The following KCNC3 variants were observed in gnomAD, a reference collection of about 807,000 sequenced individuals.
The protein encoded by KCNC3 is voltage-gated potassium channel KCNC3.
A neutral mutation model predicts 43.9 loss-of-function variants in KCNC3; 22 were observed. That is an observed-to-expected ratio of 0.50 (90% CI 0.36 to 0.72). The LOEUF is 0.72. Among genes scored for constraint, KCNC3 ranks in the 30% least tolerant of loss-of-function variants. The pLI is 0.00. For synonymous variants in KCNC3, 492 were observed against 488.0 expected, an observed-to-expected ratio of 1.01 and a Z score of -0.11; for missense variants, 829 against 1,073.8, an observed-to-expected ratio of 0.77 and a Z score of 3.19.
Position 50,328,681 on chromosome 19 carries a change from C to T in KCNC3, c.402G>A (p.Glu134=), listed in dbSNP as rs774350798. The T allele has an allele frequency of 1.2e-6, 2 of 1,608,200 alleles. No homozygotes were observed. Among genetic ancestry groups the T allele is most frequent in the Admixed American group, 3.4e-5 (2 of 59,480 alleles). ...CTCCCGGGTGCCGGTCAAAGAAGAA[C>T]TCGTCGGCGCCCGGGTCGTAGTCGA... ...ARFDYDPGAD[E]FFFDRHPGVF... is the part of the protein sequence containing the mutation. The change falls in exon 1 of 5, where the codon GAG becomes GAA. Residue 134 remains glutamate, a synonymous_variant. Coordinates refer to ENST00000477616, the MANE Select transcript of KCNC3 (RefSeq NM_004977.3).
At position 50,322,912 on chromosome 19, in the gene KCNC3, G is replaced by A. The variant is rs2037051135; in HGVS notation, c.1978+63C>T. On this transcript the variant is annotated intron_variant, in intron 2 of 4. Transcript: ENST00000477616. ...ACCCCAGGTTCTCTGAACCCCGGCAGCTACCTCCCCAGTCCTCCCCGGGTC... is the reference window on the plus strand; with the variant it reads ...ACCCCAGGTTCTCTGAACCCCGGCAACTACCTCCCCAGTCCTCCCCGGGTC... 35 of 1,499,484 alleles carry A rather than the reference G, an allele frequency of 2.3e-5. No homozygotes were observed. In the South Asian group the frequency reaches 4.4e-4, roughly 19 times the overall value. The allele number at this position is 1,499,484 out of a possible 1,614,324, so 92.9% of individuals were successfully genotyped here.
In KCNC3 at chr19:50,312,217, C is replaced by G. The variant is rs2036886109; in HGVS notation, c.*3898G>C. On this transcript the variant is annotated 3_prime_UTR_variant, in exon 5 of 5. Coordinates refer to ENST00000477616, the MANE Select transcript of KCNC3 (RefSeq NM_004977.3). ...ACTGTCTCCGAACCCCGCCCCCATCCCTGAGAGCGCCCCCTCACCACTCCC... is the reference window on the plus strand; with the variant it reads ...ACTGTCTCCGAACCCCGCCCCCATCGCTGAGAGCGCCCCCTCACCACTCCC... 6.6e-6 allele frequency: 1 copy of G among 151,946 alleles called. No individual in the cohort carries two copies. The highest frequency in any genetic ancestry group is 1.5e-5 in the Non-Finnish European group (1 of 67,978). The allele number at this position is 151,946 out of a possible 1,614,324, so 9.4% of individuals were successfully genotyped here. A position where few individuals can be genotyped will look rare whatever the true frequency, so the allele number is the denominator to read the frequency against.
Position 50,320,587 on chromosome 19 carries a change from C to T in KCNC3, c.2170+6G>A, listed in dbSNP as rs1197819320. 1 of 1,610,224 alleles carries T rather than the reference C, an allele frequency of 6.2e-7. No individual in the cohort carries two copies. Among genetic ancestry groups the T allele is most frequent in the Admixed American group, 1.7e-5 (1 of 59,678 alleles). Reference sequence around the variant, plus strand: ...TCCCAGGGGATCAGTAGGGGGGGCACCTCACCTTTTCGGATGGAGCCATCA... The same window carrying T: ...TCCCAGGGGATCAGTAGGGGGGGCATCTCACCTTTTCGGATGGAGCCATCA... On this transcript the variant is annotated splice_donor_region_variant and intron_variant, in intron 3 of 4. Coordinates refer to ENST00000477616, the MANE Select transcript of KCNC3 (RefSeq NM_004977.3).
In KCNC3 at chr19:50,313,095, G is replaced by C. The variant is rs1004574509; in HGVS notation, c.*3020C>G. 1 of 152,174 alleles carries C rather than the reference G, an allele frequency of 6.6e-6. No homozygotes were observed. Among genetic ancestry groups the C allele is most frequent in the Non-Finnish European group, 1.5e-5 (1 of 68,036 alleles). 9.4% of individuals were successfully genotyped at this position (152,174 alleles called of 1,614,324 possible). On this transcript the variant is annotated 3_prime_UTR_variant, in exon 5 of 5. Coordinates refer to ENST00000477616, the MANE Select transcript of KCNC3 (RefSeq NM_004977.3). ...GTGGGACCCCGGCTCCAAAAGGGGG[G>C]TCCGCTAAAGAGTCTGGGACCGGTG...
chr19:50,328,418 C>T lies in KCNC3; in HGVS notation c.665G>A (p.Gly222Glu). Reference sequence around the variant, plus strand: ...CGCGCCCGCCTCGTCGTCCAGGCCTCCGTCGTGGGCGCCTGCGGCGTTGGC... The same window carrying T: ...CGCGCCCGCCTCGTCGTCCAGGCCTTCGTCGTGGGCGCCTGCGGCGTTGGC... ...NAANAAGAHD[G>E]GLDDEAGAGG... is the part of the protein sequence containing the mutation. Residue 222 changes from glycine (G) to glutamate (E), a missense_variant, in exon 1 of 5, where the codon GGA (glycine) becomes GAA (glutamate). Gly to Glu is a moderately conservative substitution (Grantham distance 98). This residue lies in a region of KCNC3 where 121 missense variants were observed against 247.4 expected (regional missense o/e 0.49). Coordinates refer to ENST00000477616, the MANE Select transcript of KCNC3 (RefSeq NM_004977.3). 1 of 1,502,300 alleles carries T rather than the reference C, an allele frequency of 6.7e-7. No homozygotes were observed. The highest frequency in any genetic ancestry group is 8.9e-7 in the Non-Finnish European group (1 of 1,129,066). The allele number at this position is 1,502,300 out of a possible 1,614,324, so 93.1% of individuals were successfully genotyped here.
Position 50,316,008 on chromosome 19 carries a change from CT to C in KCNC3, c.*106del, listed in dbSNP as rs1271612844. Reference sequence around the variant, plus strand: ...AAGCCCAGTGTCTTGGGGACACCCCCTCCCAGCCATTCCCAATTGCTAACCT... The same window carrying C: ...AAGCCCAGTGTCTTGGGGACACCCCCCCCAGCCATTCCCAATTGCTAACCT... On this transcript the variant is annotated 3_prime_UTR_variant, in exon 5 of 5. Transcript: ENST00000477616. The C allele has an allele frequency of 7.7e-6, 3 of 389,744 alleles. No homozygotes were observed. The highest frequency in any genetic ancestry group is 1.4e-5 in the Non-Finnish European group (3 of 210,164). 24.1% of individuals were successfully genotyped at this position (389,744 alleles called of 1,614,324 possible).
intron 1 of KCNC3, among the ~76,000 whole-genome samples, chr19:50,327,635 G>A (rs965328299): frequency 6.6e-6 from 1 of 152,100 alleles, no homozygotes; most frequent in Non-Finnish European, 1.5e-5. Context: ...GGGTGAATCG[G>A]GGAGGTGCTG....
Position 50,314,858 on chromosome 19 carries a change from A to G in KCNC3, c.*1257T>C. ...CCCACAGGGGGGAGGGGAGCGCTAA[A>G]GGATGGAGGGCAGGGTCGGGGGAGC... On this transcript the variant is annotated 3_prime_UTR_variant, in exon 5 of 5. Transcript: ENST00000477616. 1 of 298,856 alleles carries G rather than the reference A, an allele frequency of 3.3e-6. No individual in the cohort carries two copies. The highest frequency in any genetic ancestry group is 2.5e-5 in the South Asian group (1 of 40,600). 18.5% of individuals were successfully genotyped at this position (298,856 alleles called of 1,614,324 possible).
chr19:50,316,147 C>G (rs1402270508), intron 4 of KCNC3, 56 bp from the exon 5 acceptor site: 3 of 401,032 alleles, frequency 7.5e-6, no homozygotes. Context: ...TCAGGGGAAA[C>G]CCCCCAACAC....
upstream of KCNC3, among the ~76,000 whole-genome samples, chr19:50,331,268 C>G (rs992048495): frequency 4.3e-5 from 5 of 117,228 alleles, no homozygotes; most frequent in Admixed American, 1.6e-4. Context: ...TCAGTCCCCG[C>G]CCCCCCACCC....
intron 2 of KCNC3, among the ~76,000 whole-genome samples, chr19:50,322,148 G>C (rs1224543170): frequency 6.6e-6 from 1 of 151,920 alleles, no homozygotes; most frequent in African/African-American, 2.4e-5. Flanking sequence ...AGGCGGGGCA[G>C]TGCAGGGGGG....
At chr19:50,331,928 T>A (rs564029382), upstream of KCNC3, among the ~76,000 whole-genome samples, 76 of 152,194 alleles carry the variant, frequency 5.0e-4, no homozygotes, top group African/African-American at 1.8e-3. Flanking sequence ...ACTGCGTCAC[T>A]GCAGAGAGAG....
rs1008964846 is a variant in KCNC3 at position 50,314,520 on chromosome 19, G to A, written c.*1595C>T. 88 of 251,718 alleles carry A rather than the reference G, an allele frequency of 3.5e-4. No homozygotes were observed. Among genetic ancestry groups the A allele is most frequent in the African/African-American group, 1.6e-3 (66 of 42,162 alleles). The allele number at this position is 251,718 out of a possible 1,614,324, so 15.6% of individuals were successfully genotyped here. Reference sequence around the variant, plus strand: ...AGGTTAGGGAAGGCATGCAGTGTGTGGGGGGAGGTGCCCCAAGATGTAACT... The same window carrying A: ...AGGTTAGGGAAGGCATGCAGTGTGTAGGGGGAGGTGCCCCAAGATGTAACT... On this transcript the variant is annotated 3_prime_UTR_variant, in exon 5 of 5. Transcript: ENST00000477616.
In KCNC3 at chr19:50,329,137, A is replaced by G. The variant is rs1354835082; in HGVS notation, c.-55T>C. The G allele has an allele frequency of 1.1e-4, 32 of 299,270 alleles. No individual in the cohort carries two copies. Among genetic ancestry groups the G allele is most frequent in the African/African-American group, 9.9e-4 (30 of 30,176 alleles). The allele number at this position is 299,270 out of a possible 1,614,324, so 18.5% of individuals were successfully genotyped here. A position where few individuals can be genotyped will look rare whatever the true frequency, so the allele number is the denominator to read the frequency against. ...GACGCAGGGGCGGGGACACGGGGGG[A>G]GAGACCGACGGGATTGGGTGGGAGG... On this transcript the variant is annotated 5_prime_UTR_variant, in exon 1 of 5. Coordinates refer to ENST00000477616, the MANE Select transcript of KCNC3 (RefSeq NM_004977.3).
rs116768044 is a variant in KCNC3 at position 50,323,390 on chromosome 19, C to A, written c.1563G>T (p.Ala521=). 1.2e-6 allele frequency: 2 copies of A among 1,614,166 alleles called. No individual in the cohort carries two copies. The highest frequency in any genetic ancestry group is 2.2e-5 in the East Asian group (1 of 44,878). ...TCAGCACCCCCGCCAGGGCACACAG[C>A]GCCCCGACCAGCATCCCCGACCACG... The part of the protein sequence containing the change: ...PKTWSGMLVG[A]LCALAGVLTI... The change falls in exon 2 of 5, where the codon GCG becomes GCT. Residue 521 remains alanine (A), a synonymous_variant. Coordinates refer to ENST00000477616, the MANE Select transcript of KCNC3 (RefSeq NM_004977.3).
chr19:50,332,649 A>C (rs991098525), upstream of KCNC3, among the ~76,000 whole-genome samples: 2 of 152,148 alleles, frequency 1.3e-5, no homozygotes, highest in African/African-American at 4.8e-5. This position sits in a 1 kb window ranked among gnomAD's most constrained non-coding sequence, Gnocchi z 5.8. Flanking sequence ...CTGGACACTC[A>C]GCTATGTTCA....
Position 50,328,818 on chromosome 19 carries a change from TGCCGCTGTC to T in KCNC3, c.256_264del (p.Asp86_Gly88del). On this transcript the variant is annotated inframe_deletion, in exon 1 of 5. Coordinates refer to ENST00000477616, the MANE Select transcript of KCNC3 (RefSeq NM_004977.3). ...ACGCCGCCCACGTTGATCACGATCT[TGCCGCTGTC>T]GCCACCGCCGCCGCCGTGCCGCCCC... The T allele has an allele frequency of 6.6e-7, 1 of 1,512,428 alleles. No homozygotes were observed. Among genetic ancestry groups the T allele is most frequent in the Non-Finnish European group, 8.8e-7 (1 of 1,134,914 alleles). The allele number at this position is 1,512,428 out of a possible 1,614,324, so 93.7% of individuals were successfully genotyped here.
In KCNC3 at chr19:50,316,111, G is replaced by A. The variant is rs77204940; in HGVS notation, c.*24-20C>T. The A allele has an allele frequency of 5.7e-4, 215 of 375,398 alleles. No homozygotes were observed. The highest frequency in any genetic ancestry group is 4.1e-3 in the African/African-American group (193 of 47,168). 23.3% of individuals were successfully genotyped at this position (375,398 alleles called of 1,614,324 possible). On this transcript the variant is annotated intron_variant, in intron 4 of 4. Coordinates refer to ENST00000477616, the MANE Select transcript of KCNC3 (RefSeq NM_004977.3). ...CAAGAGCTGGGGACAGAAATACACA[G>A]AGTCACGGGGGTGGGGAGAGGATGG... is the stretch of plus-strand genomic sequence containing the variant.
At position 50,328,913 on chromosome 19, in the gene KCNC3, G is replaced by A; in HGVS notation, c.170C>T (p.Ala57Val). 1 of 892,482 alleles carries A rather than the reference G, an allele frequency of 1.1e-6. No homozygotes were observed. Among genetic ancestry groups the A allele is most frequent in the South Asian group, 4.9e-5 (1 of 20,252 alleles). The allele number at this position is 892,482 out of a possible 1,614,324, so 55.3% of individuals were successfully genotyped here. A position where few individuals can be genotyped will look rare whatever the true frequency, so the allele number is the denominator to read the frequency against. ...GCGCCGGTCCCCGGGCCCGCGGGGT[G>A]CCGGGGGGCCCGCCGGGGACGCGGC... The part of the protein sequence containing the change: ...GPAASPAGPP[A>V]PRGPGDRRAE... Residue 57 changes from alanine to valine, a missense_variant, in exon 1 of 5, where the codon GCA becomes GTA. Physicochemically the swap from Ala to Val is moderately conservative, Grantham distance 64. Around this residue, in one of 7 missense-constraint regions of KCNC3, gnomAD observed 129 missense variants for 83.6 expected, o/e 1.54. Coordinates refer to ENST00000477616, the MANE Select transcript of KCNC3 (RefSeq NM_004977.3).
Sources: allele counts gnomAD v4.1 joint callset (sites outside exome capture counted in the v4.1 genomes callset), GRCh38; gene constraint gnomAD v4.1.1; regional missense constraint gnomAD v4.1.1; non-coding constraint Gnocchi (gnomAD v3.1); transcripts MANE v1.5; gene names NCBI Gene and HGNC (gene_info 2026-07-23, HGNC 2026-07-21).